The following TAMM41 variants were observed in gnomAD, a reference collection of about 807,000 sequenced individuals.
TAMM41 encodes the protein phosphatidate cytidylyltransferase, mitochondrial.
Under a neutral mutation model 44.1 loss-of-function variants are expected in TAMM41, and 36 were observed. The ratio of observed to expected loss-of-function variants is 0.82; its 90% CI spans 0.63 to 1.08. The LOEUF is 1.08. Among genes scored for constraint, TAMM41 ranks in the 50% least tolerant of loss-of-function variants. TAMM41 has a pLI of 0.00. For synonymous variants in TAMM41, 164 were observed against 153.1 expected (o/e 1.07, Z -0.53); for missense variants, 417 against 404.3 (o/e 1.03, Z -0.27).
At chr3:11,761,083 G>T in the TAMM41 span, among the ~76,000 whole-genome samples, 1 of 151,594 alleles carries the variant, frequency 6.6e-6, no homozygotes, top group Admixed American at 6.6e-5. Context: ...CAGGAGAATG[G>T]CGTGAACCTG....
At chr3:11,744,318 T>C in the TAMM41 span, among the ~76,000 whole-genome samples, 1 of 152,178 alleles carries the variant, frequency 6.6e-6, no homozygotes, top group South Asian at 2.1e-4. Flanking sequence ...TCCACCCATC[T>C]CGGCCTCCCA....
At chr3:11,769,809 A>G in the TAMM41 span, among the ~76,000 whole-genome samples, 3 of 152,198 alleles carry the variant, frequency 2.0e-5, no homozygotes, top group Non-Finnish European at 2.9e-5. Flanking sequence ...CAGGTCCTCT[A>G]CCTCGGCTGT....
chr3:11,763,043 A>T, the TAMM41 span, among the ~76,000 whole-genome samples: 1 of 152,234 alleles, frequency 6.6e-6, no homozygotes, highest in African/African-American at 2.4e-5. Context: ...TGTCTCAAAA[A>T]AAATAAATAA....
In TAMM41 at chr3:11,807,850, T is replaced by G. The variant is rs2077965236; in HGVS notation, c.920A>C (p.Lys307Thr). 6.5e-7 allele frequency: 1 copy of G among 1,536,050 alleles called. No homozygotes were observed. The highest frequency in any genetic ancestry group is 8.7e-7 in the Non-Finnish European group (1 of 1,146,924). ...VRPSSIRQST[K>T]GIFTAGLKKS... is the part of the protein sequence containing the mutation. The stretch of plus-strand genomic sequence containing the variant: ...GCTCTTACCAGCAGTAAAAATGCCT[T>G]TCGTGCTCTGTCTTATACTAGACGG... The change falls in exon 7 of 8, where the codon AAA (lysine) becomes ACA (threonine). Residue 307 changes from lysine to threonine, a missense_variant. By Grantham distance (78) the Lys-to-Thr change is moderately conservative. Coordinates refer to ENST00000455809, the MANE Select transcript of TAMM41 (RefSeq NM_001284401.2).
At chr3:11,807,091 C>T (rs1022754472) in intron 7 of TAMM41, 3 of 871,034 alleles carry the variant, frequency 3.4e-6, no homozygotes, top group Non-Finnish European at 4.1e-6. Flanking sequence ...ATGTGCTTCA[C>T]CAAAATGAGA....
At chr3:11,767,830 G>T in the TAMM41 span, among the ~76,000 whole-genome samples, 3 of 151,014 alleles carry the variant, frequency 2.0e-5, no homozygotes, top group Non-Finnish European at 3.0e-5. Context: ...TCACCATGTT[G>T]CTCAGGCTGG....
the TAMM41 span, among the ~76,000 whole-genome samples, chr3:11,765,705 T>A: frequency 2.1e-3 from 74 of 34,780 alleles, 1 homozygote; most frequent in Admixed American, 6.3e-3. Flanking sequence ...GAGTCAAAAT[T>A]TTTTTTTTTT....
the TAMM41 span, among the ~76,000 whole-genome samples, chr3:11,727,856 G>A: frequency 6.8e-6 from 1 of 147,858 alleles, no homozygotes; most frequent in South Asian, 2.1e-4. Flanking sequence ...GCGCGATCTC[G>A]GCTCACAGCA....
intron 7 of TAMM41, among the ~76,000 whole-genome samples, chr3:11,806,921 T>C (rs748585391): frequency 6.6e-6 from 1 of 152,016 alleles, no homozygotes; most frequent in East Asian, 2.0e-4. Flanking sequence ...AAGTAAAAGA[T>C]AAATGCAGCA....
Position 11,826,966 on chromosome 3 carries a change from C to T in TAMM41, c.562+2748G>A, listed in dbSNP as rs569806239. The stretch of plus-strand genomic sequence containing the variant: ...AGACTTCAGTCACATCAGTCTACTG[C>T]TTTCCTCCTAAACACATCATGTTCT... On this transcript the variant is annotated intron_variant, in intron 4 of 7. Transcript: ENST00000455809. Among the ~76,000 whole-genome samples, 20 of 152,360 alleles carry T rather than the reference C, an allele frequency of 1.3e-4. 1 individual carries two copies.
At chr3:11,795,195 T>A (rs1279131179) in intron 7 of TAMM41, among the ~76,000 whole-genome samples, 8 of 152,208 alleles carry the variant, frequency 5.3e-5, no homozygotes. Context: ...TTGAATCTTT[T>A]GAAGCTAGAG....
the TAMM41 span, among the ~76,000 whole-genome samples, chr3:11,776,494 T>C: frequency 1.3e-5 from 2 of 152,122 alleles, no homozygotes; most frequent in Non-Finnish European, 2.9e-5. Context: ...AGACACACAG[T>C]GCTCACCACT....
chr3:11,786,673 T>C (rs1480867510), downstream of TAMM41, among the ~76,000 whole-genome samples: 3 of 152,096 alleles, frequency 2.0e-5, no homozygotes, highest in Admixed American at 1.3e-4. Flanking sequence ...CAATCACAGC[T>C]CACTGCAGCC....
chr3:11,785,762 C>T (rs562908106), downstream of TAMM41, among the ~76,000 whole-genome samples: 370 of 152,220 alleles, frequency 2.4e-3, 1 homozygote, highest in African/African-American at 8.2e-3. Context: ...ACCACGGGTG[C>T]GCACCACTGC....
At chr3:11,780,701 G>T in the TAMM41 span, among the ~76,000 whole-genome samples, 77 of 152,288 alleles carry the variant, frequency 5.1e-4, no homozygotes, top group African/African-American at 1.8e-3. Flanking sequence ...CTGTCACTTT[G>T]AGGTATCTCT....
chr3:11,810,559 A>C (rs577686542), intron 5 of TAMM41, among the ~76,000 whole-genome samples: 55 of 152,202 alleles, frequency 3.6e-4, no homozygotes, highest in Non-Finnish European at 6.3e-4. Flanking sequence ...CACTGCCCTC[A>C]ACAGCCCATC....
chr3:11,767,354 T>A, the TAMM41 span, among the ~76,000 whole-genome samples: 1 of 151,664 alleles, frequency 6.6e-6, no homozygotes, highest in Non-Finnish European at 1.5e-5. Context: ...CAGGCGTGAG[T>A]CACCAGGTCC....
the TAMM41 span, among the ~76,000 whole-genome samples, chr3:11,740,692 A>G: frequency 6.6e-6 from 1 of 151,498 alleles, no homozygotes; most frequent in Non-Finnish European, 1.5e-5. Context: ...AAGCCTCCCG[A>G]GTAGCTGGGA....
chr3:11,786,941 C>T (rs1294511406), downstream of TAMM41, among the ~76,000 whole-genome samples: 3 of 152,322 alleles, frequency 2.0e-5, no homozygotes, highest in African/African-American at 7.2e-5. Flanking sequence ...TTCTCCCTCA[C>T]ACTTCCAAAA....
Sources: allele counts gnomAD v4.1 joint callset (sites outside exome capture counted in the v4.1 genomes callset), GRCh38; gene constraint gnomAD v4.1.1; transcripts MANE v1.5; gene names NCBI Gene and HGNC (gene_info 2026-07-23, HGNC 2026-07-21).